SLC45A2: variants seen among roughly 807,000 people sequenced by gnomAD.
SLC45A2 encodes membrane-associated transporter protein.
A neutral mutation model predicts 45.5 loss-of-function variants in SLC45A2; 36 were observed. The observed-to-expected ratio is 0.79, with a 90% CI of 0.61 to 1.04. The LOEUF (loss-of-function observed/expected upper bound fraction) is 1.04. Among genes scored for constraint, SLC45A2 ranks in the 50% least tolerant of loss-of-function variants. SLC45A2 has a pLI of 0.00. For missense variants in SLC45A2, 719 were observed against 671.0 expected, an observed-to-expected ratio of 1.07 and a Z score of -0.79; for synonymous variants, 306 against 269.3, an observed-to-expected ratio of 1.14 and a Z score of -1.33.
At chr5:33,947,140 G>T in intron 6 of SLC45A2, 23 bp downstream of exon 6, 1 of 1,614,164 alleles carries the variant, frequency 6.2e-7, no homozygotes, top group Non-Finnish European at 8.5e-7. Flanking sequence ...GTTACCCAAG[G>T]CAGAGGTTCA....
At chr5:33,961,908 G>C (rs901448366) in intron 3 of SLC45A2, among the ~76,000 whole-genome samples, 10 of 152,200 alleles carry the variant, frequency 6.6e-5, no homozygotes, top group African/African-American at 2.4e-4. Context: ...TTTGGCTGGA[G>C]GACTCCCATT....
chr5:33,984,479 G>C lies in SLC45A2; in HGVS notation c.105C>G (p.Leu35=). 1 of 1,613,656 alleles carries C rather than the reference G, an allele frequency of 6.2e-7. No individual in the cohort carries two copies. The highest frequency in any genetic ancestry group is 8.5e-7 in the Non-Finnish European group (1 of 1,180,044). Residue 35 remains leucine (L), a synonymous_variant, in exon 1 of 7, where the codon CTC becomes CTG. Transcript: ENST00000296589. Reference sequence around the variant, plus strand: ...CGAACATGGCCATGCTGTGCATGATGAGTCTGCTGGTGGGTCTTTTAGGCG... The same window carrying C: ...CGAACATGGCCATGCTGTGCATGATCAGTCTGCTGGTGGGTCTTTTAGGCG... ...VEPPKRPTSR[L]IMHSMAMFGR...
intron 2 of SLC45A2, among the ~76,000 whole-genome samples, chr5:33,976,597 G>T (rs1257078879): frequency 6.6e-6 from 1 of 152,138 alleles, no homozygotes; most frequent in East Asian, 1.9e-4. Flanking sequence ...GAGGGGTGAG[G>T]GGGGTGGGGG....
chr5:33,978,474 A>C (rs911082317), intron 2 of SLC45A2, among the ~76,000 whole-genome samples: 2 of 151,948 alleles, frequency 1.3e-5, no homozygotes, highest in African/African-American at 4.8e-5. Context: ...AGAGACATTT[A>C]CCATCTATTC....
chr5:33,971,567 T>A (rs1752777746), intron 2 of SLC45A2: 1 of 237,470 alleles, frequency 4.2e-6, no homozygotes, highest in Non-Finnish European at 8.3e-6. Context: ...GCCTCCGGAG[T>A]GGCTCAGACC....
intron 2 of SLC45A2, among the ~76,000 whole-genome samples, chr5:33,965,604 T>C (rs746263910): frequency 2.0e-5 from 3 of 152,090 alleles, no homozygotes; most frequent in Non-Finnish European, 2.9e-5. Context: ...CATAAACAGA[T>C]AAAGGACAGA....
intron 1 of SLC45A2, among the ~76,000 whole-genome samples, chr5:33,983,961 A>C (rs1753158905): frequency 6.6e-6 from 1 of 152,242 alleles, no homozygotes; most frequent in Admixed American, 6.5e-5. Flanking sequence ...ATACAAATTT[A>C]ATCCTATTTT....
chr5:33,959,917 C>CTAAGATGTA lies in SLC45A2; in HGVS notation c.888+3765_888+3773dup, dbSNP rs1752396742. 4.6e-5 allele frequency among the ~76,000 whole-genome samples: 7 copies of CTAAGATGTA among 152,180 alleles called. No individual in the cohort carries two copies. The South Asian group carries it at 1.5e-3, about 32-fold the overall frequency. On this transcript the variant is annotated intron_variant, in intron 3 of 6. Transcript: ENST00000296589. ...ACTTACACACTTTTATAACTAACAG[C>CTAAGATGTA]TAAGATGTATTGCTTTTATTTATAT...
In SLC45A2 at chr5:33,963,711, T is replaced by C; in HGVS notation, c.868A>G (p.Asn290Asp). The C allele has an allele frequency of 1.2e-6, 2 of 1,614,024 alleles. No homozygotes were observed. The highest frequency in any genetic ancestry group is 1.7e-6 in the Non-Finnish European group (2 of 1,179,998). ...NPELAMQGAK[N>D]KNHAEQTRRA... is the part of the protein sequence containing the mutation. ...TTTACCTGTTCAGCATGATTTTTGT[T>C]TTTTGCTCCCTGCATTGCCAGCTCT... The change falls in exon 3 of 7, where the codon AAC becomes GAC. Residue 290 changes from asparagine to aspartate, a missense_variant. Physicochemically the swap from Asn to Asp is conservative, Grantham distance 23 (BLOSUM62 1). Transcript: ENST00000296589.
chr5:33,956,671 A>G (rs372069164), intron 3 of SLC45A2, among the ~76,000 whole-genome samples: 6 of 152,288 alleles, frequency 3.9e-5, no homozygotes, highest in African/African-American at 1.4e-4. Flanking sequence ...TTTTGATGGA[A>G]TATCTTTAGG....
intron 2 of SLC45A2, chr5:33,970,946 CT>C: frequency 2.2e-6 from 1 of 449,390 alleles, no homozygotes; most frequent in South Asian, 1.7e-5. Context: ...TCTTAAGGAG[CT>C]AAGGGAACAA....
At chr5:33,975,427 G>A (rs763958403) in intron 2 of SLC45A2, among the ~76,000 whole-genome samples, 19 of 152,294 alleles carry the variant, frequency 1.2e-4, no homozygotes, top group Admixed American at 3.3e-4. Flanking sequence ...TAAATACCTT[G>A]TAAATTACAA....
chr5:33,969,063 C>CTGTGTG (rs1400585496), intron 2 of SLC45A2, among the ~76,000 whole-genome samples: 39 of 62,762 alleles, frequency 6.2e-4, no homozygotes, highest in African/African-American at 2.0e-3. Flanking sequence ...CTCTCTCTCT[C>CTGTGTG]TCTGTGTGTG....
At chr5:33,964,634 T>G (rs1459086509) in intron 2 of SLC45A2, among the ~76,000 whole-genome samples, 2 of 152,136 alleles carry the variant, frequency 1.3e-5, no homozygotes, top group Non-Finnish European at 2.9e-5. Flanking sequence ...AAACATGAAT[T>G]TTTAAAAATC....
intron 1 of SLC45A2, 138 bp from the exon 2 acceptor site, chr5:33,982,550 C>A (rs1753109858): frequency 1.2e-6 from 1 of 843,032 alleles, no homozygotes; most frequent in Non-Finnish European, 1.8e-6. Flanking sequence ...AATAGCTTTA[C>A]ATTTTTTTTC....
At chr5:33,957,134 T>C (rs192790286) in intron 3 of SLC45A2, among the ~76,000 whole-genome samples, 16 of 152,160 alleles carry the variant, frequency 1.1e-4, no homozygotes, top group Non-Finnish European at 2.2e-4. Context: ...AAAATGATAA[T>C]AGCTTTTAGC....
chr5:33,946,681 A>G (rs1329557316), intron 6 of SLC45A2: 1 of 1,026,548 alleles, frequency 9.7e-7, no homozygotes, highest in Non-Finnish European at 1.2e-6. Context: ...TCTGGACTCC[A>G]TTGCCTAGGA....
intron 3 of SLC45A2, among the ~76,000 whole-genome samples, chr5:33,958,960 T>C (rs556328460): frequency 1.2e-4 from 18 of 152,328 alleles, no homozygotes; most frequent in East Asian, 9.6e-4. Flanking sequence ...GGGTGTTATC[T>C]ATTATCACGT....
rs1753106609 is a variant in SLC45A2 at position 33,982,413 on chromosome 5, C to T, written c.386-1G>A. 1.9e-6 allele frequency: 3 copies of T among 1,613,868 alleles called. No individual in the cohort carries two copies. Among genetic ancestry groups the T allele is most frequent in the Middle Eastern group, 1.6e-4 (1 of 6,062 alleles). ...TTCCTCCTTGGGTTAGCAATCAAAG[C>T]TAAAAGAAAAATAAACATTGGTCTC... On this transcript the variant is annotated splice_acceptor_variant, in intron 1 of 6. Coordinates refer to ENST00000296589, the MANE Select transcript of SLC45A2 (RefSeq NM_016180.5). LOFTEE classifies it high-confidence loss of function.
Sources: gnomAD v4.1 joint callset for allele counts (sites outside exome capture counted in the v4.1 genomes callset) on GRCh38, gnomAD v4.1.1 for gene constraint, MANE v1.5 for transcripts, NCBI Gene and HGNC (gene_info 2026-07-23, HGNC 2026-07-21) for gene names.